The following SAXO2 variants were observed in gnomAD, a reference collection of about 807,000 sequenced individuals.
The protein encoded by SAXO2 is family with sequence similarity 154, member B.
A neutral mutation model predicts 18.7 loss-of-function variants in SAXO2; 17 were observed. The observed-to-expected ratio is 0.91, with a 90% CI of 0.62 to 1.36. The LOEUF (loss-of-function observed/expected upper bound fraction) is 1.36. Among genes scored for constraint, SAXO2 ranks in the 40% most tolerant of loss-of-function variants. SAXO2 has a pLI of 0.00. For missense variants in SAXO2, 486 were observed against 562.6 expected (o/e 0.86, Z 1.38); for synonymous variants, 163 against 181.2 (o/e 0.90, Z 0.81).
Position 82,282,938 on chromosome 15 carries a change from C to G in SAXO2, c.1253C>G (p.Thr418Arg), listed in dbSNP as rs759475223. 1 of 1,613,816 alleles carries G rather than the reference C, an allele frequency of 6.2e-7. No individual in the cohort carries two copies. The highest frequency in any genetic ancestry group is 8.5e-7 in the Non-Finnish European group (1 of 1,179,910). ...GTAACCATGTACTCTGTAGAGTACA[C>G]ACCGAAAAGACAGGAAATTTGCCCA... ...DDVTMYSVEYTPKRQEICPAS... is the reference protein window; with the variant it reads ...DDVTMYSVEYRPKRQEICPAS... Residue 418 changes from threonine to arginine, a missense_variant, in exon 4 of 4, where the codon ACA (threonine) becomes AGA (arginine). Physicochemically the swap from Thr to Arg is moderately conservative, Grantham distance 71. Transcript: ENST00000682753.
At chr15:82,263,235 A>G in intron 1 of SAXO2, 1 of 1,476,558 alleles carries the variant, frequency 6.8e-7, no homozygotes, top group Non-Finnish European at 9.0e-7. Context: ...GCTGGTGAGT[A>G]GTGGGATGTG....
At chr15:82,276,293 A>G (rs1457739307) in intron 3 of SAXO2, among the ~76,000 whole-genome samples, 1 of 152,204 alleles carries the variant, frequency 6.6e-6, no homozygotes, top group Non-Finnish European at 1.5e-5. Context: ...TTAAAATGTC[A>G]TACTACACAA....
intron 2 of SAXO2, 46 bp from the exon 3 acceptor site, chr15:82,271,557 G>C: frequency 6.9e-7 from 1 of 1,452,206 alleles, no homozygotes; most frequent in Non-Finnish European, 9.3e-7. Flanking sequence ...AAATAATTAG[G>C]AATAAAAGAA....
intron 1 of SAXO2, chr15:82,263,275 A>G (rs996842721): frequency 3.9e-5 from 54 of 1,368,394 alleles, no homozygotes; most frequent in African/African-American, 1.1e-4. Flanking sequence ...TTTCCACCCC[A>G]TAATCCCCCA....
At chr15:82,270,914 A>C (rs2075265446) in intron 2 of SAXO2, among the ~76,000 whole-genome samples, 1 of 152,192 alleles carries the variant, frequency 6.6e-6, no homozygotes, top group African/African-American at 2.4e-5. Context: ...TGATCAGTCT[A>C]AGTTTGTGGT....
intron 3 of SAXO2, among the ~76,000 whole-genome samples, chr15:82,273,904 A>G (rs1164172134): frequency 6.6e-6 from 1 of 151,704 alleles, no homozygotes; most frequent in Non-Finnish European, 1.5e-5. Flanking sequence ...CGCCTGGCTA[A>G]TTTTTGTATT....
chr15:82,270,428 A>G (rs189393546), intron 2 of SAXO2, among the ~76,000 whole-genome samples: 1 of 152,350 alleles, frequency 6.6e-6, no homozygotes, highest in Non-Finnish European at 1.5e-5. Context: ...ATTTAATCAC[A>G]TGGAAGACAT....
chr15:82,267,161 A>T (rs1448260667), intron 2 of SAXO2, among the ~76,000 whole-genome samples: 15 of 152,218 alleles, frequency 9.9e-5, no homozygotes, highest in Admixed American at 8.5e-4. Context: ...CAGCCTCAGG[A>T]GGTCCCAATA....
rs190958876 is a variant in SAXO2 at position 82,271,740 on chromosome 15, T to C, written c.371T>C (p.Ile124Thr). 8.2e-5 allele frequency: 132 copies of C among 1,614,134 alleles called. 1 individual carries two copies. The East Asian group carries it at 2.7e-3, about 34-fold the overall frequency. ...LNSYKVQPVA[I>T]VRPLERQVKK... ...TCGTATAAAGTGCAGCCTGTGGCAA[T>C]AGTCCGGCCTTTGGAGAGACAAGTT... The change falls in exon 3 of 4, where the codon ATA becomes ACA. Residue 124 changes from isoleucine to threonine, a missense_variant. By Grantham distance (89) the Ile-to-Thr change is moderately conservative. Transcript: ENST00000682753.
chr15:82,271,963 A>G, intron 3 of SAXO2, 161 bp downstream of exon 3: 3 of 585,964 alleles, frequency 5.1e-6, no homozygotes, highest in Non-Finnish European at 8.9e-6. Context: ...GTATAGTAAC[A>G]AAAGAAAATA....
intron 2 of SAXO2, among the ~76,000 whole-genome samples, chr15:82,268,764 G>A (rs998213510): frequency 2.0e-5 from 3 of 152,206 alleles, no homozygotes; most frequent in African/African-American, 7.2e-5. Context: ...TGCCCTGAAC[G>A]AGTAGGATTC....
chr15:82,279,584 G>A (rs1217259832), intron 3 of SAXO2, among the ~76,000 whole-genome samples: 4 of 152,138 alleles, frequency 2.6e-5, no homozygotes, highest in Admixed American at 6.6e-5. Flanking sequence ...TCTGAAGTAG[G>A]GATTCAAGTT....
At chr15:82,278,296 C>G (rs1036852132) in intron 3 of SAXO2, among the ~76,000 whole-genome samples, 2 of 152,164 alleles carry the variant, frequency 1.3e-5, no homozygotes, top group African/African-American at 4.8e-5. Flanking sequence ...CTTCTGAGAC[C>G]CAGGGGCACA....
In SAXO2 at chr15:82,282,170, A is replaced by G. The variant is rs1347136602; in HGVS notation, c.485A>G (p.Gln162Arg). 28 of 1,613,868 alleles carry G rather than the reference A, an allele frequency of 1.7e-5. No homozygotes were observed. Among genetic ancestry groups the G allele is most frequent in the Non-Finnish European group, 2.1e-5 (25 of 1,179,896 alleles). ...AAAAGTGAACTTTATAAGCCAGAACAAACTTACCACCCGCCTACTGTGAAA... is the reference window on the plus strand; with the variant it reads ...AAAAGTGAACTTTATAAGCCAGAACGAACTTACCACCCGCCTACTGTGAAA... ...LHKSELYKPE[Q>R]TYHPPTVKFG... is the part of the protein sequence containing the mutation. Residue 162 changes from glutamine (Q) to arginine (R), a missense_variant, in exon 4 of 4, where the codon CAA (glutamine) becomes CGA (arginine). Coordinates refer to ENST00000682753, the MANE Select transcript of SAXO2 (RefSeq NM_001348699.2).
In SAXO2 at chr15:82,271,709, T is replaced by C. The variant is rs772359945; in HGVS notation, c.340T>C (p.Leu114=). The change falls in exon 3 of 4, where the codon TTG becomes CTG. Residue 114 remains leucine, a synonymous_variant. Transcript: ENST00000682753. ...TCTTGGTACTACCTACAAACGGGAT[T>C]TGAATTCGTATAAAGTGCAGCCTGT... ...IDLGTTYKRD[L]NSYKVQPVAI... 1.2e-6 allele frequency: 2 copies of C among 1,614,116 alleles called. No homozygotes were observed. Among genetic ancestry groups the C allele is most frequent in the South Asian group, 2.2e-5 (2 of 91,078 alleles).
At chr15:82,273,082 T>G (rs2075286803) in intron 3 of SAXO2, among the ~76,000 whole-genome samples, 1 of 151,218 alleles carries the variant, frequency 6.6e-6, no homozygotes, top group Non-Finnish European at 1.5e-5. Flanking sequence ...ATTTTTGTAC[T>G]TTTAGTAGAG....
chr15:82,265,913 A>C (rs910369789), intron 2 of SAXO2, among the ~76,000 whole-genome samples, 165 bp downstream of exon 2: 1 of 152,104 alleles, frequency 6.6e-6, no homozygotes, highest in African/African-American at 2.4e-5. Context: ...AAAACAGAAA[A>C]ATGAGAATTA....
chr15:82,271,637 C>G lies in SAXO2; in HGVS notation c.268C>G (p.Pro90Ala). 1.2e-6 allele frequency: 2 copies of G among 1,613,674 alleles called. No homozygotes were observed. The highest frequency in any genetic ancestry group is 1.7e-6 in the Non-Finnish European group (2 of 1,179,756). ...DYCPYEIVKQ[P>A]RHVPEEYKPK... ...TTGTCCTTATGAAATAGTTAAACAGCCTCGCCATGTGCCAGAAGAATATAA... is the reference window on the plus strand; with the variant it reads ...TTGTCCTTATGAAATAGTTAAACAGGCTCGCCATGTGCCAGAAGAATATAA... The change falls in exon 3 of 4, where the codon CCT (proline) becomes GCT (alanine). Residue 90 changes from proline (P) to alanine (A), a missense_variant. Pro to Ala is a conservative substitution (Grantham distance 27, BLOSUM62 -1). Coordinates refer to ENST00000682753, the MANE Select transcript of SAXO2 (RefSeq NM_001348699.2).
rs141658538 is a variant in SAXO2 at position 82,262,903 on chromosome 15, C to T, written c.24C>T (p.Ser8=). ...GCATGGGAGCCAAGAGTATGAGGAGCTGGTGTCTGTGTCAGATTTGTAGCT... is the reference window on the plus strand; with the variant it reads ...GCATGGGAGCCAAGAGTATGAGGAGTTGGTGTCTGTGTCAGATTTGTAGCT... MGAKSMR[S]WCLCQICSCG... The change falls in exon 1 of 4, where the codon AGC becomes AGT. Residue 8 remains serine, a synonymous_variant. Transcript: ENST00000682753. The T allele has an allele frequency of 1.9e-4, 300 of 1,603,844 alleles. No individual in the cohort carries two copies. The highest frequency in any genetic ancestry group is 2.4e-4 in the Non-Finnish European group (282 of 1,175,208).
Sources: gnomAD v4.1 joint callset for allele counts (sites outside exome capture counted in the v4.1 genomes callset) on GRCh38, gnomAD v4.1.1 for gene constraint, MANE v1.5 for transcripts, NCBI Gene and HGNC (gene_info 2026-07-23, HGNC 2026-07-21) for gene names.